The following CA1 variants were observed in gnomAD, a reference collection of about 807,000 sequenced individuals.
CA1 encodes the protein carbonate dehydratase I.
In CA1, 27 loss-of-function variants were observed where a neutral mutation model predicts 28.8. The ratio of observed to expected loss-of-function variants is 0.94; its 90% CI spans 0.69 to 1.29. The LOEUF is 1.29. Ranked by LOEUF, CA1 falls within the 50% of genes most tolerant of loss-of-function variation. CA1 has a pLI of 0.00. For missense variants in CA1, 335 were observed against 310.5 expected (o/e 1.08, Z -0.59); for synonymous variants, 121 against 108.8 (o/e 1.11, Z -0.70).
intron 1 of CA1, among the ~76,000 whole-genome samples, chr8:85,347,780 C>G (rs183754971): frequency 2.4e-4 from 37 of 152,186 alleles, no homozygotes; most frequent in Non-Finnish European, 5.9e-5. Flanking sequence ...ACTAATTGTA[C>G]AAAATTCTTT....
At chr8:85,341,578 T>C (rs1585928758) in intron 2 of CA1, 21 bp downstream of exon 2, 3 of 1,449,510 alleles carry the variant, frequency 2.1e-6, no homozygotes, top group Non-Finnish European at 2.9e-6. Context: ...TTTTGATCTA[T>C]ATAAACAGGA....
intron 1 of CA1, among the ~76,000 whole-genome samples, chr8:85,349,095 A>C (rs2130275166): frequency 6.6e-6 from 1 of 152,320 alleles, no homozygotes; most frequent in East Asian, 1.9e-4. Context: ...ATTTTTAAAA[A>C]ATCTTTTTAT....
intron 1 of CA1, among the ~76,000 whole-genome samples, chr8:85,348,414 C>A (rs1163899982): frequency 3.9e-5 from 6 of 152,110 alleles, no homozygotes; most frequent in African/African-American, 1.4e-4. Flanking sequence ...CTGGCAATAC[C>A]AGTTGTTGCC....
chr8:85,336,261 A>G (rs1808648683), intron 4 of CA1, among the ~76,000 whole-genome samples: 1 of 152,224 alleles, frequency 6.6e-6, no homozygotes, highest in African/African-American at 2.4e-5. Flanking sequence ...GTAAAATTAA[A>G]AAGTCAACCT....
chr8:85,334,064 A>G (rs1808532541), intron 4 of CA1, among the ~76,000 whole-genome samples: 1 of 152,204 alleles, frequency 6.6e-6, no homozygotes. Flanking sequence ...GCCCTTTCCA[A>G]ACATCTCTCA....
chr8:85,363,066 C>T (rs1245623502), intron 1 of CA1, among the ~76,000 whole-genome samples: 1 of 152,198 alleles, frequency 6.6e-6, no homozygotes, highest in Non-Finnish European at 1.5e-5. Flanking sequence ...GCTTAGTCAT[C>T]ATGGTCGCTG....
At chr8:85,332,241 A>G (rs1383410885) in intron 6 of CA1, 1 of 385,844 alleles carries the variant, frequency 2.6e-6, no homozygotes, top group Non-Finnish European at 4.7e-6. Flanking sequence ...TGGCTATGTA[A>G]TCTGGTTTTC....
Position 85,333,512 on chromosome 8 carries a change from A to G in CA1, c.450+13T>C. Reference sequence around the variant, plus strand: ...ACAGTGGAAGCAGAGCTGTGTAATTATCTGTAACTCACCTTCATCAAAACA... The same window carrying G: ...ACAGTGGAAGCAGAGCTGTGTAATTGTCTGTAACTCACCTTCATCAAAACA... On this transcript the variant is annotated intron_variant, in intron 5 of 7. Coordinates refer to ENST00000523022, the MANE Select transcript of CA1 (RefSeq NM_001128831.4). 1.3e-6 allele frequency: 2 copies of G among 1,536,564 alleles called. No homozygotes were observed. Among genetic ancestry groups the G allele is most frequent in the Non-Finnish European group, 1.8e-6 (2 of 1,109,988 alleles).
At position 85,329,737 on chromosome 8, in the gene CA1, A is replaced by C. The variant is rs1409931621; in HGVS notation, c.621T>G (p.Ser207Arg). ...TCTCCTTACAGATGATCCAAGTTAC[A>C]CTCTCATAAAGAGGAGGATGAGTCA... The part of the protein sequence containing the change: ...GSLTHPPLYE[S>R]VTWIICKESI... The change falls in exon 7 of 8, where the codon AGT becomes AGG. Residue 207 changes from serine to arginine, a missense_variant. By Grantham distance (110) the Ser-to-Arg change is moderately radical (BLOSUM62 -1). Coordinates refer to ENST00000523022, the MANE Select transcript of CA1 (RefSeq NM_001128831.4). The C allele has an allele frequency of 6.2e-7, 1 of 1,608,926 alleles. No individual in the cohort carries two copies. Among genetic ancestry groups the C allele is most frequent in the Admixed American group, 1.7e-5 (1 of 59,488 alleles).
chr8:85,330,800 A>G (rs1028613236), intron 6 of CA1, among the ~76,000 whole-genome samples: 3 of 152,148 alleles, frequency 2.0e-5, no homozygotes, highest in African/African-American at 7.2e-5. Flanking sequence ...TATTTTTGGG[A>G]TAAACTCTAC....
chr8:85,365,791 C>T (rs1402498427), intron 1 of CA1, among the ~76,000 whole-genome samples: 1 of 152,040 alleles, frequency 6.6e-6, no homozygotes. Context: ...ATTGCATATC[C>T]ATCACCCTCC....
At chr8:85,368,541 T>G (rs1481388851) in intron 1 of CA1, among the ~76,000 whole-genome samples, 1 of 152,126 alleles carries the variant, frequency 6.6e-6, no homozygotes, top group African/African-American at 2.4e-5. Flanking sequence ...AGGTGTTTTT[T>G]TTTTCACATT....
intron 4 of CA1, among the ~76,000 whole-genome samples, chr8:85,335,569 G>A (rs942439845): frequency 2.0e-5 from 3 of 152,062 alleles, no homozygotes; most frequent in Non-Finnish European, 4.4e-5. Flanking sequence ...CAAACCTATT[G>A]TCTTATAGGT....
rs747777729 is a variant in CA1 at position 85,338,297 on chromosome 8, C to T, written c.190G>A (p.Gly64Arg). The change falls in exon 3 of 8, where the codon GGG (glycine) becomes AGG (arginine). Residue 64 changes from glycine to arginine, a missense_variant. Physicochemically the swap from Gly to Arg is moderately radical, Grantham distance 125. Transcript: ENST00000523022. ...PATAKEIINV[G>R]HSFHVNFEDN... ...TCAAAATTTACATGGAAGGAATGCCCCACATTGATAATTTCTTTGGCTGTG... is the reference window on the plus strand; with the variant it reads ...TCAAAATTTACATGGAAGGAATGCCTCACATTGATAATTTCTTTGGCTGTG... The T allele has an allele frequency of 6.2e-7, 1 of 1,613,966 alleles. No homozygotes were observed. The highest frequency in any genetic ancestry group is 8.5e-7 in the Non-Finnish European group (1 of 1,179,884).
At chr8:85,351,289 T>C (rs1809401622) in intron 1 of CA1, among the ~76,000 whole-genome samples, 1 of 152,234 alleles carries the variant, frequency 6.6e-6, no homozygotes, top group East Asian at 1.9e-4. Context: ...TTAATGTTTT[T>C]AAAAGACTCA....
chr8:85,376,111 G>A (rs1475245744), intron 1 of CA1, among the ~76,000 whole-genome samples: 6 of 152,048 alleles, frequency 3.9e-5, no homozygotes, highest in East Asian at 1.9e-4. Flanking sequence ...CTGGTGGATC[G>A]CTTGAGGTTA....
intron 1 of CA1, among the ~76,000 whole-genome samples, chr8:85,357,403 C>T (rs748857837): frequency 2.8e-4 from 43 of 152,242 alleles, no homozygotes; most frequent in Non-Finnish European, 5.4e-4. Flanking sequence ...CTCTATAAGC[C>T]TCTGTTTCCT....
chr8:85,344,723 G>A (rs138763001), intron 1 of CA1, among the ~76,000 whole-genome samples: 1,915 of 152,172 alleles, frequency 0.013, 21 homozygotes, highest in Middle Eastern at 0.044. Context: ...AGTGCCATCC[G>A]TGCCTAGTTA....
At chr8:85,344,202 G>T (rs1308439435) in intron 1 of CA1, among the ~76,000 whole-genome samples, 10 of 99,654 alleles carry the variant, frequency 1.0e-4, no homozygotes, top group Non-Finnish European at 1.3e-4. Flanking sequence ...ATATTATACA[G>T]TATATAATAT....
Sources: allele counts gnomAD v4.1 joint callset (sites outside exome capture counted in the v4.1 genomes callset), GRCh38; gene constraint gnomAD v4.1.1; transcripts MANE v1.5; gene names NCBI Gene and HGNC (gene_info 2026-07-23, HGNC 2026-07-21).